The following ENO1 variants were observed in gnomAD, a reference collection of about 807,000 sequenced individuals.
ENO1 encodes alpha-enolase.
A neutral mutation model predicts 46.3 loss-of-function variants in ENO1; 33 were observed. The observed-to-expected ratio is 0.71, with a 90% CI of 0.54 to 0.95. The LOEUF (loss-of-function observed/expected upper bound fraction) is 0.95. Among genes scored for constraint, ENO1 ranks in the 40% least tolerant of loss-of-function variants. The pLI is 0.00. For missense variants in ENO1, 488 were observed against 553.3 expected, an observed-to-expected ratio of 0.88 and a Z score of 1.18; for synonymous variants, 220 against 216.0, an observed-to-expected ratio of 1.02 and a Z score of -0.16.
At chr1:8,864,362 G>A (rs1438147787) in intron 8 of ENO1, among the ~76,000 whole-genome samples, 1 of 152,200 alleles carries the variant, frequency 6.6e-6, no homozygotes, top group East Asian at 1.9e-4. Context: ...GTGCAGGGGT[G>A]CAATCATAGC....
intron 7 of ENO1, chr1:8,866,011 G>A (rs376245449): frequency 1.5e-4 from 62 of 400,516 alleles, no homozygotes; most frequent in African/African-American, 1.2e-3. Context: ...AGCCCAGGAG[G>A]CGGAAGTTGT....
rs760923238 is a variant in ENO1, at chr1:8,864,112, G to A, written c.866-20C>T. ...ACACCACTAAGGAAAGGAGGGACAC[G>A]CTTCATCAGTGTGATCCTCCCAGTG... On this transcript the variant is annotated intron_variant, in intron 8 of 11. Coordinates refer to ENST00000234590, the MANE Select transcript of ENO1 (RefSeq NM_001428.5). The A allele has an allele frequency of 5.6e-6, 9 of 1,611,336 alleles. No homozygotes were observed. The highest frequency in any genetic ancestry group is 1.7e-4 in the Middle Eastern group (1 of 5,836).
At chr1:8,871,695 C>A in intron 3 of ENO1, 196 bp downstream of exon 3, 1 of 1,329,666 alleles carries the variant, frequency 7.5e-7, no homozygotes, top group East Asian at 2.6e-5. Context: ...CATGCAGGCT[C>A]GGGAACCCCG....
intron 11 of ENO1, among the ~76,000 whole-genome samples, chr1:8,861,812 G>A (rs1313306874): frequency 6.7e-6 from 1 of 150,070 alleles, no homozygotes; most frequent in African/African-American, 2.5e-5. Context: ...ACAAATAAAT[G>A]GCATGGGGAG....
intron 3 of ENO1, chr1:8,871,061 A>C: frequency 8.1e-7 from 1 of 1,229,742 alleles, no homozygotes; most frequent in Non-Finnish European, 1.0e-6. Flanking sequence ...ATCAAGGCAC[A>C]GCATCATCCT....
intron 1 of ENO1, among the ~76,000 whole-genome samples, chr1:8,875,180 TGGGA>T (rs1431107321): frequency 6.6e-6 from 1 of 151,894 alleles, no homozygotes; most frequent in East Asian, 1.9e-4. Flanking sequence ...GCTAAGGGCG[TGGGA>T]GTTACTTTTA....
At position 8,862,783 on chromosome 1, in the gene ENO1, A is replaced by C. The variant is rs180844580; in HGVS notation, c.1235+104T>G. 3.6e-5 allele frequency: 47 copies of C among 1,312,746 alleles called. No individual in the cohort carries two copies. The East Asian group carries it at 8.6e-4, about 24-fold the overall frequency. 81.3% of individuals were successfully genotyped at this position (1,312,746 alleles called of 1,614,324 possible). ...CTGCACTGTGCACCTGCACCTGTAC[A>C]TGTTCCCAGAGCCAGGAGCTCCTGG... On this transcript the variant is annotated intron_variant, in intron 11 of 11. Transcript: ENST00000234590.
intron 2 of ENO1, among the ~76,000 whole-genome samples, chr1:8,873,249 C>T (rs955106912): frequency 4.6e-5 from 7 of 152,168 alleles, no homozygotes; most frequent in African/African-American, 1.7e-4. Context: ...TGCGCATGTG[C>T]AGAGGCAGTG....
chr1:8,870,937 G>A (rs1557585009), intron 3 of ENO1: 57 of 1,253,208 alleles, frequency 4.5e-5, no homozygotes, highest in Non-Finnish European at 5.7e-5. Flanking sequence ...AAGAGAACCG[G>A]TGATTAAGGA....
At chr1:8,866,249 G>T (rs766736342) in intron 7 of ENO1, 30 bp downstream of exon 7, 2 of 1,607,894 alleles carry the variant, frequency 1.2e-6, no homozygotes, top group Non-Finnish European at 1.7e-6. Flanking sequence ...TGCAGGGCTG[G>T]GTGGGGGGGC....
intron 1 of ENO1, among the ~76,000 whole-genome samples, chr1:8,876,666 G>A (rs1642738453): frequency 6.6e-6 from 1 of 152,096 alleles, no homozygotes; most frequent in South Asian, 2.1e-4. Context: ...GGGAGGCCGA[G>A]GAGGGTGGAT....
chr1:8,865,561 G>A, intron 7 of ENO1, 79 bp from the exon 8 acceptor site: 1 of 1,378,182 alleles, frequency 7.3e-7, no homozygotes, highest in Non-Finnish European at 1.0e-6. Context: ...GCTACACAGG[G>A]ACTGTAACAC....
Position 8,865,332 on chromosome 1 carries a change from G to A in ENO1, c.818C>T (p.Pro273Leu). The A allele has an allele frequency of 6.2e-7, 1 of 1,614,210 alleles. No individual in the cohort carries two copies. Among genetic ancestry groups the A allele is most frequent in the African/African-American group, 1.3e-5 (1 of 75,036 alleles). ...SPDDPSRYIS[P>L]DQLADLYKSF... is the part of the protein sequence containing the mutation. ...CTTGTACAGGTCAGCCAGCTGGTCAGGCGAGATGTACCTGCTGGGGTCATC... is the reference window on the plus strand; with the variant it reads ...CTTGTACAGGTCAGCCAGCTGGTCAAGCGAGATGTACCTGCTGGGGTCATC... The change falls in exon 8 of 12, where the codon CCT (proline) becomes CTT (leucine). Residue 273 changes from proline to leucine, a missense_variant. Physicochemically the swap from Pro to Leu is moderately conservative, Grantham distance 98. Coordinates refer to ENST00000234590, the MANE Select transcript of ENO1 (RefSeq NM_001428.5).
At position 8,861,219 on chromosome 1, in the gene ENO1, G is replaced by C; in HGVS notation, c.*141C>G. 1.3e-6 allele frequency: 1 copy of C among 783,718 alleles called. No individual in the cohort carries two copies. The highest frequency in any genetic ancestry group is 2.0e-6 in the Non-Finnish European group (1 of 489,548). 48.5% of individuals were successfully genotyped at this position (783,718 alleles called of 1,614,324 possible). ...GCTTCTGTAGAAGTTCTAAGGAAGCGGTACGAACTCCACGGCGGTGGGGCG... is the reference window on the plus strand; with the variant it reads ...GCTTCTGTAGAAGTTCTAAGGAAGCCGTACGAACTCCACGGCGGTGGGGCG... On this transcript the variant is annotated 3_prime_UTR_variant, in exon 12 of 12. Coordinates refer to ENST00000234590, the MANE Select transcript of ENO1 (RefSeq NM_001428.5).
chr1:8,871,353 A>G, intron 3 of ENO1: 2 of 992,464 alleles, frequency 2.0e-6, no homozygotes, highest in Non-Finnish European at 2.4e-6. Flanking sequence ...TTGCACACAC[A>G]CTAAGTCAAT....
intron 1 of ENO1, chr1:8,875,906 C>T (rs1197779980): frequency 2.6e-5 from 4 of 152,114 alleles, no homozygotes; most frequent in African/African-American, 4.8e-5. Flanking sequence ...TAGGGGTAAG[C>T]CACCAGGACC....
intron 1 of ENO1, among the ~76,000 whole-genome samples, chr1:8,877,293 G>A (rs1418188273): frequency 6.6e-6 from 1 of 151,318 alleles, no homozygotes; most frequent in African/African-American, 2.4e-5. Context: ...CACCACGTTG[G>A]TCAGGCTGGT....
intron 1 of ENO1, chr1:8,878,188 A>C (rs1642777028): frequency 2.3e-5 from 4 of 171,644 alleles, no homozygotes; most frequent in African/African-American, 9.6e-5. Context: ...ACCGCCGCTA[A>C]GTCTGCGTCT....
chr1:8,862,914 C>A lies in ENO1; in HGVS notation c.1208G>T (p.Arg403Leu). The A allele has an allele frequency of 6.2e-7, 1 of 1,614,042 alleles. No homozygotes were observed. Among genetic ancestry groups the A allele is most frequent in the East Asian group, 2.2e-5 (1 of 44,872 alleles). The change falls in exon 11 of 12, where the codon CGC becomes CTC. Residue 403 changes from arginine (R) to leucine (L), a missense_variant. Coordinates refer to ENST00000234590, the MANE Select transcript of ENO1 (RefSeq NM_001428.5). Reference protein sequence around the residue: ...IKTGAPCRSERLAKYNQLLRI... With the variant: ...IKTGAPCRSELLAKYNQLLRI... ...GAGGAGCTGGTTGTACTTGGCCAAG[C>A]GCTCAGATCGGCAAGGGGCACCAGT...
Sources: gnomAD v4.1 joint callset for allele counts (sites outside exome capture counted in the v4.1 genomes callset) on GRCh38, gnomAD v4.1.1 for gene constraint, MANE v1.5 for transcripts, NCBI Gene and HGNC (gene_info 2026-07-23, HGNC 2026-07-21) for gene names.